The following REV3L variants were observed in gnomAD, a reference collection of about 807,000 sequenced individuals.
REV3L encodes the protein REV3 like, DNA directed polymerase zeta catalytic subunit, also known as DNA polymerase zeta catalytic subunit.
A neutral mutation model predicts 299.4 loss-of-function variants in REV3L; 69 were observed. The ratio of observed to expected loss-of-function variants is 0.23; its 90% confidence interval spans 0.19 to 0.28. The LOEUF is 0.28. Among genes scored for constraint, REV3L ranks in the 10% least tolerant of loss-of-function variants. The probability of loss-of-function intolerance (pLI) is 1.00; values close to 1 mark genes in which losing one functional copy is unlikely to be tolerated. For synonymous variants in REV3L, 1,238 were observed against 1,271.4 expected, an observed-to-expected ratio of 0.97 and a Z score of 0.56; for missense variants, 3,128 against 3,693.8, an observed-to-expected ratio of 0.85 and a Z score of 3.97.
upstream of REV3L, chr6:111,483,525 G>A (rs955738272): frequency 1.9e-6 from 1 of 516,576 alleles, no homozygotes; most frequent in Non-Finnish European, 3.7e-6. Context: ...GGGCTTGCGG[G>A]AGGGGGGCGC....
chr6:111,442,898 T>C (rs1788431578), intron 1 of REV3L, among the ~76,000 whole-genome samples: 2 of 152,208 alleles, frequency 1.3e-5, no homozygotes, highest in Non-Finnish European at 1.5e-5. Flanking sequence ...TCTCTGTGTG[T>C]ATGTGTGTGT....
chr6:111,355,672 A>G (rs145246280), intron 18 of REV3L, among the ~76,000 whole-genome samples: 235 of 152,268 alleles, frequency 1.5e-3, no homozygotes, highest in African/African-American at 5.4e-3. Flanking sequence ...GAATATACCC[A>G]ACAAGGAAAA....
upstream of REV3L, chr6:111,483,506 G>C (rs1163304429): frequency 1.9e-6 from 1 of 528,624 alleles, no homozygotes; most frequent in Non-Finnish European, 3.6e-6. Flanking sequence ...CTCATGGATG[G>C]GCTCCGAGGG....
chr6:111,459,641 A>G (rs2128324228), intron 1 of REV3L, among the ~76,000 whole-genome samples: 1 of 152,186 alleles, frequency 6.6e-6, no homozygotes, highest in African/African-American at 2.4e-5. Flanking sequence ...AAGAAGACAT[A>G]CAAATGGCCA....
chr6:111,438,276 CATTAA>C (rs1343287725), intron 1 of REV3L, among the ~76,000 whole-genome samples: 7 of 152,064 alleles, frequency 4.6e-5, no homozygotes, highest in Admixed American at 1.3e-4. Flanking sequence ...AAAATGCATT[CATTAA>C]ATTATTCAAT....
At chr6:111,411,450 T>C (rs750107274) in intron 3 of REV3L, 30 bp downstream of exon 3, 4 of 1,311,454 alleles carry the variant, frequency 3.1e-6, no homozygotes, top group Non-Finnish European at 3.2e-6. Context: ...ATGATAGTTA[T>C]TCATATTTTG....
chr6:111,328,104 T>C (rs1320345973), intron 25 of REV3L, among the ~76,000 whole-genome samples: 1 of 152,192 alleles, frequency 6.6e-6, no homozygotes, highest in Non-Finnish European at 1.5e-5. Flanking sequence ...TGTATTTGTA[T>C]CAAATAAACA....
intron 1 of REV3L, among the ~76,000 whole-genome samples, chr6:111,441,388 G>A (rs1788251074): frequency 6.6e-6 from 1 of 152,040 alleles, no homozygotes; most frequent in South Asian, 2.1e-4. Context: ...AAATGGCTGG[G>A]ACTACAAGCA....
At chr6:111,307,794 A>G (rs1772492682) in intron 30 of REV3L, 3 of 528,214 alleles carry the variant, frequency 5.7e-6, no homozygotes, top group Non-Finnish European at 1.0e-5. Context: ...ATTATCAGAT[A>G]CATTTTTTTT....
chr6:111,441,906 TTCTATA>T (rs1788306240), intron 1 of REV3L, among the ~76,000 whole-genome samples: 1 of 152,162 alleles, frequency 6.6e-6, no homozygotes, highest in South Asian at 2.1e-4. Flanking sequence ...AGATAAAGTG[TTCTATA>T]GTCCTATGAT....
intron 1 of REV3L, among the ~76,000 whole-genome samples, chr6:111,435,457 A>T (rs554755087): frequency 1.3e-5 from 2 of 152,338 alleles, no homozygotes; most frequent in Middle Eastern, 6.8e-3. Context: ...GCATAAAAAC[A>T]GACATACAGA....
intron 1 of REV3L, among the ~76,000 whole-genome samples, chr6:111,418,859 C>T (rs1582913079): frequency 1.3e-5 from 2 of 152,264 alleles, no homozygotes; most frequent in South Asian, 4.1e-4. Flanking sequence ...ACAAAAAACA[C>T]ATGGTATGTG....
In REV3L at chr6:111,333,134, C is replaced by A; in HGVS notation, c.7914G>T (p.Glu2638Asp). The A allele has an allele frequency of 6.2e-7, 1 of 1,613,608 alleles. No homozygotes were observed. The highest frequency in any genetic ancestry group is 1.1e-5 in the South Asian group (1 of 91,044). Residue 2638 changes from glutamate (E) to aspartate (D), a missense_variant, in exon 23 of 32, where the codon GAG becomes GAT. Around this residue, in one of 9 missense-constraint regions of REV3L, gnomAD observed 149 missense variants for 286.4 expected, o/e 0.52. Coordinates refer to ENST00000368802, the MANE Select transcript of REV3L (RefSeq NM_001372078.1). ...YCFSTCLGHVENLGKYDEFKF... is the reference protein window; with the variant it reads ...YCFSTCLGHVDNLGKYDEFKF... ...GAAAAAAACCTTACTTTCCCAAGTT[C>A]TCCACATGGCCAAGGCAGGTGGAAA...
At chr6:111,339,156 A>C (rs1776235880) in intron 21 of REV3L, among the ~76,000 whole-genome samples, 1 of 152,150 alleles carries the variant, frequency 6.6e-6, no homozygotes, top group African/African-American at 2.4e-5. Flanking sequence ...CTAATTCTCT[A>C]TCCTGAAAAG....
At chr6:111,370,233 G>T (rs886829758) in intron 13 of REV3L, among the ~76,000 whole-genome samples, 1 of 152,156 alleles carries the variant, frequency 6.6e-6, no homozygotes, top group African/African-American at 2.4e-5. Flanking sequence ...CAAAGGTAAT[G>T]ACTAGCACAT....
At chr6:111,324,896 C>G (rs888073701) in intron 25 of REV3L, among the ~76,000 whole-genome samples, 1 of 150,094 alleles carries the variant, frequency 6.7e-6, no homozygotes, top group Non-Finnish European at 1.5e-5. Context: ...GAGTCTCACT[C>G]TGTCGCCCAG....
chr6:111,368,082 A>C (rs1254322255), intron 13 of REV3L, 54 bp from the exon 14 acceptor site: 2 of 1,429,942 alleles, frequency 1.4e-6, no homozygotes, highest in Non-Finnish European at 1.9e-6. Flanking sequence ...AATTACCAAA[A>C]TATTTAACTC....
At chr6:111,311,963 A>G (rs1199586422) in intron 28 of REV3L, 1 of 152,222 alleles carries the variant, frequency 6.6e-6, no homozygotes, top group East Asian at 1.9e-4. Flanking sequence ...GTGTGCCACC[A>G]CGCCCGGCTA....
At chr6:111,380,338 C>A (rs1780705811) in intron 10 of REV3L, 119 bp from the exon 11 acceptor site, 2 of 667,732 alleles carry the variant, frequency 3.0e-6, no homozygotes, top group Middle Eastern at 4.0e-4. Flanking sequence ...AGGCTCACTG[C>A]AAGCTCTGCC....
Sources: allele counts gnomAD v4.1 joint callset (sites outside exome capture counted in the v4.1 genomes callset), GRCh38; gene constraint gnomAD v4.1.1; regional missense constraint gnomAD v4.1.1; transcripts MANE v1.5; gene names NCBI Gene and HGNC (gene_info 2026-07-23, HGNC 2026-07-21).